The following SPINT1 variants were observed in gnomAD, a reference collection of about 807,000 sequenced individuals.
The protein encoded by SPINT1 is kunitz-type protease inhibitor 1.
In SPINT1, 38 loss-of-function variants were observed where a neutral mutation model predicts 53.7. The observed-to-expected ratio is 0.71, with a 90% CI of 0.55 to 0.93. SPINT1 has a LOEUF of 0.93. Among genes scored for constraint, SPINT1 ranks in the 40% least tolerant of loss-of-function variants. The probability of loss-of-function intolerance (pLI) is 0.00; values close to 1 mark genes in which losing one functional copy is unlikely to be tolerated. For missense variants in SPINT1, 645 were observed against 692.9 expected, an observed-to-expected ratio of 0.93 and a Z score of 0.78; for synonymous variants, 283 against 280.6, an observed-to-expected ratio of 1.01 and a Z score of -0.08.
chr15:40,846,960 G>A (rs1891316867), intron 2 of SPINT1, among the ~76,000 whole-genome samples: 1 of 152,190 alleles, frequency 6.6e-6, no homozygotes, highest in Non-Finnish European at 1.5e-5. Flanking sequence ...TTACTGACCT[G>A]AGTTGCTCAT....
chr15:40,855,105 G>T (rs1174244678), intron 8 of SPINT1, among the ~76,000 whole-genome samples: 3 of 152,176 alleles, frequency 2.0e-5, no homozygotes, highest in Non-Finnish European at 4.4e-5. Flanking sequence ...AGCTTGCCAG[G>T]CGTGGTGGCT....
At chr15:40,856,643 C>T in intron 10 of SPINT1, 127 bp from the exon 11 acceptor site, 3 of 1,511,906 alleles carry the variant, frequency 2.0e-6, no homozygotes, top group Non-Finnish European at 2.7e-6. Flanking sequence ...TGTGGGAGGT[C>T]TGAGTCGGGT....
intron 2 of SPINT1, among the ~76,000 whole-genome samples, chr15:40,847,942 T>C (rs1041620934): frequency 2.0e-5 from 3 of 152,054 alleles, no homozygotes; most frequent in African/African-American, 7.2e-5. Flanking sequence ...GCTACTCCCT[T>C]GGCAGGTGTT....
Position 40,853,600 on chromosome 15 carries a change from A to G in SPINT1, c.715A>G (p.Thr239Ala). Residue 239 changes from threonine to alanine, a missense_variant, in exon 4 of 11, where the codon ACT (threonine) becomes GCT (alanine). Coordinates refer to ENST00000562057, the MANE Select transcript of SPINT1 (RefSeq NM_003710.4). ...AGAGGACACGGCCAACGTCACAGTC[A>G]CTGTGCTGTCCACCAAGCAGACAGA... ...HPEDTANVTV[T>A]VLSTKQTEDY... is the part of the protein sequence containing the mutation. 1 of 1,614,004 alleles carries G rather than the reference A, an allele frequency of 6.2e-7. No homozygotes were observed. Among genetic ancestry groups the G allele is most frequent in the Non-Finnish European group, 8.5e-7 (1 of 1,179,946 alleles).
chr15:40,853,455 G>A (rs756303462), intron 3 of SPINT1, 34 bp from the exon 4 acceptor site: 1 of 1,613,970 alleles, frequency 6.2e-7, no homozygotes, highest in Non-Finnish European at 8.5e-7. Context: ...GGCATCAGGG[G>A]GTGCCCAAGC....
rs1891519500 is a variant in SPINT1, at chr15:40,853,320, C to T, written c.603+69C>T. 4.4e-6 allele frequency: 7 copies of T among 1,608,494 alleles called. No homozygotes were observed. The East Asian group carries it at 1.1e-4, about 26-fold the overall frequency. ...CCTTCTTGGAGCCCCTTTCTGGGGC[C>T]CTAGGCCAACCAATGGCCCCGGATG... is the stretch of plus-strand genomic sequence containing the variant. On this transcript the variant is annotated intron_variant, in intron 3 of 10. Coordinates refer to ENST00000562057, the MANE Select transcript of SPINT1 (RefSeq NM_003710.4).
intron 2 of SPINT1, among the ~76,000 whole-genome samples, chr15:40,851,333 T>C (rs1380910359): frequency 2.0e-5 from 3 of 152,040 alleles, no homozygotes; most frequent in Non-Finnish European, 4.4e-5. Flanking sequence ...TTTTGTATTT[T>C]AGTAGAGAGG....
chr15:40,853,393 G>A, intron 3 of SPINT1, 96 bp from the exon 4 acceptor site: 1 of 1,605,210 alleles, frequency 6.2e-7, no homozygotes, highest in East Asian at 2.2e-5. Flanking sequence ...AACTCCCCCT[G>A]GCCTCCCCAG....
In SPINT1 at chr15:40,854,085, A is replaced by C. The variant is rs746991747; in HGVS notation, c.939A>C (p.Pro313=). The part of the protein sequence containing the change: ...VQGPSMERRH[P]VCSGTCQPTQ... The stretch of plus-strand genomic sequence containing the variant: ...GCCCCTCCATGGAAAGGCGCCATCC[A>C]GGTGGGCTTTACTCCCCTCCCCATC... The change falls in exon 6 of 11, where the codon CCA becomes CCC. Residue 313 remains proline (P), a splice_region_variant and synonymous_variant. Transcript: ENST00000562057. The C allele has an allele frequency of 6.5e-7, 1 of 1,541,960 alleles. No homozygotes were observed. Among genetic ancestry groups the C allele is most frequent in the East Asian group, 2.3e-5 (1 of 44,258 alleles).
At position 40,844,950 on chromosome 15, in the gene SPINT1, G is replaced by A. The variant is rs764578411; in HGVS notation, c.396G>A (p.Ala132=). The change falls in exon 2 of 11, where the codon GCG becomes GCA. Residue 132 remains alanine (A), a synonymous_variant. Transcript: ENST00000562057. The surrounding 1 kb of genome is among the most constrained non-coding windows in gnomAD (Gnocchi z 5.8). The part of the protein sequence containing the change: ...LYEQNFVCKF[A]PREGFINYLT... ...AGCAGAACTTCGTGTGCAAGTTCGC[G>A]CCCAGGGAGGGCTTCATCAACTACC... 6.2e-7 allele frequency: 1 copy of A among 1,613,966 alleles called. No individual in the cohort carries two copies. Among genetic ancestry groups the A allele is most frequent in the Non-Finnish European group, 8.5e-7 (1 of 1,180,034 alleles).
chr15:40,846,801 C>A (rs1891312518), intron 2 of SPINT1, among the ~76,000 whole-genome samples: 1 of 152,174 alleles, frequency 6.6e-6, no homozygotes, highest in Admixed American at 6.5e-5. Context: ...CAGTAGCTCT[C>A]CTGGGTCTCT....
intron 2 of SPINT1, among the ~76,000 whole-genome samples, chr15:40,845,525 C>T (rs1048041081): frequency 4.6e-5 from 7 of 151,950 alleles, no homozygotes; most frequent in African/African-American, 1.7e-4. Flanking sequence ...GATGTCACAG[C>T]CAGATCGCCT....
At chr15:40,854,021 C>G in intron 5 of SPINT1, 39 bp from the exon 6 acceptor site, 1 of 1,576,066 alleles carries the variant, frequency 6.3e-7, no homozygotes, top group Admixed American at 1.8e-5. Context: ...CCACTGGAGC[C>G]TGGTCATGCC....
chr15:40,844,201 C>A lies in SPINT1; in HGVS notation c.-66+15C>A, dbSNP rs893336235. 3 of 408,440 alleles carry A rather than the reference C, an allele frequency of 7.3e-6. No individual in the cohort carries two copies. Among genetic ancestry groups the A allele is most frequent in the South Asian group, 4.0e-5 (2 of 50,054 alleles). The allele number at this position is 408,440 out of a possible 1,614,324, so 25.3% of individuals were successfully genotyped here. A position where few individuals can be genotyped will look rare whatever the true frequency, so the allele number is the denominator to read the frequency against. On this transcript the variant is annotated intron_variant, in intron 1 of 10. Transcript: ENST00000562057. This position sits in a 1 kb window ranked among gnomAD's most constrained non-coding sequence, Gnocchi z 5.8. ...CACCTGCGCAGGTAACCCGGGCCCC[C>A]GCGCGCAAGGCCGAGGCGCAGGCGG...
Position 40,844,628 on chromosome 15 carries a change from T to C in SPINT1, c.74T>C (p.Leu25Pro). Residue 25 changes from leucine to proline, a missense_variant, in exon 2 of 11, where the codon CTG (leucine) becomes CCG (proline). Leu to Pro is a moderately conservative substitution (Grantham distance 98). Coordinates refer to ENST00000562057, the MANE Select transcript of SPINT1 (RefSeq NM_003710.4). This position sits in a 1 kb window ranked among gnomAD's most constrained non-coding sequence, Gnocchi z 5.8. ...ATCCCTGCCGTCGCCTTGTGGCTTC[T>C]GTGCACGCTCGGCCTCCAGGGCACC... ...AGIPAVALWL[L>P]CTLGLQGTQA... 2 of 1,608,356 alleles carry C rather than the reference T, an allele frequency of 1.2e-6. No homozygotes were observed. The highest frequency in any genetic ancestry group is 1.7e-6 in the Non-Finnish European group (2 of 1,177,948).
rs755644673 is a variant in SPINT1 at position 40,844,988 on chromosome 15, T to C, written c.434T>C (p.Val145Ala). Residue 145 changes from valine to alanine, a missense_variant, in exon 2 of 11, where the codon GTG becomes GCG. By Grantham distance (64) the Val-to-Ala change is moderately conservative. Transcript: ENST00000562057. This position sits in a 1 kb window ranked among gnomAD's most constrained non-coding sequence, Gnocchi z 5.8. The part of the protein sequence containing the change: ...EGFINYLTRE[V>A]YRSYRQLRTQ... ...TTCATCAACTACCTCACGAGGGAAG[T>C]GTACCGCTCCTACCGCCAGCTGCGG... 12 of 1,613,028 alleles carry C rather than the reference T, an allele frequency of 7.4e-6. No homozygotes were observed. The highest frequency in any genetic ancestry group is 2.7e-5 in the African/African-American group (2 of 74,914).
At position 40,856,789 on chromosome 15, in the gene SPINT1, C is replaced by G; in HGVS notation, c.1356C>G (p.Val452=). Residue 452 remains valine (V), a synonymous_variant, in exon 11 of 11, where the codon GTC becomes GTG. Coordinates refer to ENST00000562057, the MANE Select transcript of SPINT1 (RefSeq NM_003710.4). The part of the protein sequence containing the change: ...IPSTGSVEMA[V]AVFLVICIVV... ...CCCCAGGCTCTGTGGAGATGGCTGT[C>G]GCAGTGTTCCTGGTCATCTGCATTG... The G allele has an allele frequency of 1.2e-6, 2 of 1,614,186 alleles. No homozygotes were observed. The highest frequency in any genetic ancestry group is 1.7e-6 in the Non-Finnish European group (2 of 1,180,038).
At position 40,853,780 on chromosome 15, in the gene SPINT1, C is replaced by T. The variant is rs202037909; in HGVS notation, c.812C>T (p.Thr271Met). 620 of 1,614,210 alleles carry T rather than the reference C, an allele frequency of 3.8e-4. No homozygotes were observed. Among genetic ancestry groups the T allele is most frequent in the Non-Finnish European group, 4.8e-4 (568 of 1,180,024 alleles). The change falls in exon 5 of 11, where the codon ACG becomes ATG. Residue 271 changes from threonine (T) to methionine (M), a missense_variant. Physicochemically the swap from Thr to Met is moderately conservative, Grantham distance 81. Transcript: ENST00000562057. ...GSFPRWYYDP[T>M]EQICKSFVYG... The stretch of plus-strand genomic sequence containing the variant: ...TTCCCACGCTGGTACTATGACCCCA[C>T]GGAGCAGATCTGCAAGAGTTTCGTT...
In SPINT1 at chr15:40,854,546, G is replaced by C. The variant is rs779158560; in HGVS notation, c.1066+24G>C. 2.5e-6 allele frequency: 4 copies of C among 1,613,584 alleles called. No homozygotes were observed. In the South Asian group the frequency reaches 3.3e-5, roughly 13 times the overall value. On this transcript the variant is annotated intron_variant, in intron 7 of 10. Transcript: ENST00000562057. ...ATGTGAGGCCTGGGGGATAGAGGGG[G>C]TTGGGCAGCAGACAGGGAGGTCCTG...
Sources: allele counts gnomAD v4.1 joint callset (sites outside exome capture counted in the v4.1 genomes callset), GRCh38; gene constraint gnomAD v4.1.1; non-coding constraint Gnocchi (gnomAD v3.1); transcripts MANE v1.5; gene names NCBI Gene and HGNC (gene_info 2026-07-23, HGNC 2026-07-21).